ZBED6: variants seen among roughly 807,000 people sequenced by gnomAD.
ZBED6 encodes the protein zinc finger BED domain-containing protein 6.
In ZBED6, 40 loss-of-function variants were observed where a neutral mutation model predicts 58.4. The ratio of observed to expected loss-of-function variants is 0.68; its 90% CI spans 0.53 to 0.89. ZBED6 has a LOEUF of 0.89. Among genes scored for constraint, ZBED6 ranks in the 40% least tolerant of loss-of-function variants. The probability of loss-of-function intolerance (pLI) is 0.00; values close to 1 mark genes in which losing one functional copy is unlikely to be tolerated. For synonymous variants in ZBED6, 439 were observed against 350.6 expected (o/e 1.25, Z -2.82); for missense variants, 1,057 against 1,003.9 (o/e 1.05, Z -0.71).
chr1:203,805,527 A>G (rs1672028320), intron 1 of ZBED6: 2 of 514,242 alleles, frequency 3.9e-6, no homozygotes, highest in South Asian at 1.5e-5. Flanking sequence ...CTTCAAAGAA[A>G]GGACAGAAAC....
At chr1:203,804,254 C>G (rs1671468121) in intron 1 of ZBED6, among the ~76,000 whole-genome samples, 1 of 151,370 alleles carries the variant, frequency 6.6e-6, no homozygotes, top group Non-Finnish European at 1.5e-5. Flanking sequence ...CGGGTTCACG[C>G]CATTCTCCTG....
chr1:203,818,458 A>C, intron 2 of ZBED6, 112 bp from the exon 3 acceptor site: 4 of 1,396,618 alleles, frequency 2.9e-6, no homozygotes, highest in Non-Finnish European at 3.9e-6. Context: ...TTACCTTACC[A>C]GTCCTTTCTT....
chr1:203,804,475 G>A (rs1671573416), intron 1 of ZBED6, among the ~76,000 whole-genome samples: 1 of 151,786 alleles, frequency 6.6e-6, no homozygotes, highest in African/African-American at 2.4e-5. Context: ...TTTTTATTGT[G>A]AATGGTCTCT....
exon 17 of ZBED6, chr1:203,853,340 A>G (rs946320292): frequency 6.6e-5 from 10 of 152,518 alleles, no homozygotes; most frequent in Admixed American, 2.6e-4. Context: ...CAAGCTGCCA[A>G]TATTTATCTA....
At chr1:203,817,206 G>A in intron 2 of ZBED6, 82 bp downstream of exon 2, 2 of 1,196,718 alleles carry the variant, frequency 1.7e-6, no homozygotes, top group South Asian at 1.7e-5. Flanking sequence ...ATTTTAAGTT[G>A]TTTTTATTAT....
chr1:203,831,788 T>A lies in ZBED6; in HGVS notation c.*3510+17T>A, dbSNP rs759913890. The A allele has an allele frequency of 1.3e-6, 2 of 1,590,192 alleles. No homozygotes were observed. The highest frequency in any genetic ancestry group is 1.1e-5 in the South Asian group (1 of 88,386). On this transcript the variant is annotated intron_variant, in intron 8 of 16. Coordinates refer to ENST00000550078, the Ensembl canonical transcript of ZBED6. ...CCAAACAAGGTAAGGTATAGATAGG[T>A]CTTAGAGTTGTCAAGCCTCTACTTT...
At chr1:203,841,589 T>C (rs891196875) in intron 11 of ZBED6, among the ~76,000 whole-genome samples, 2 of 152,246 alleles carry the variant, frequency 1.3e-5, no homozygotes, top group African/African-American at 2.4e-5. Flanking sequence ...TGATCTCTCT[T>C]TCTTTTCCCC....
chr1:203,852,276 G>A, exon 17 of ZBED6: 1 of 1,613,726 alleles, frequency 6.2e-7, no homozygotes, highest in Non-Finnish European at 8.5e-7. Context: ...TCTCTGTGGA[G>A]GATGATTTTG....
chr1:203,830,538 C>T (rs973316831), intron 7 of ZBED6, among the ~76,000 whole-genome samples: 11 of 152,104 alleles, frequency 7.2e-5, no homozygotes, highest in East Asian at 3.9e-4. Flanking sequence ...AAAGGCTGGG[C>T]GTGGTGGCTC....
chr1:203,845,957 G>A (rs1405308125), intron 11 of ZBED6, among the ~76,000 whole-genome samples: 2 of 151,854 alleles, frequency 1.3e-5, no homozygotes, highest in Non-Finnish European at 2.9e-5. Flanking sequence ...TCAGGAGTTT[G>A]GAAAGTGAGA....
intron 9 of ZBED6, among the ~76,000 whole-genome samples, chr1:203,834,802 CT>C (rs1184026291): frequency 4.6e-5 from 7 of 152,134 alleles, no homozygotes; most frequent in Admixed American, 4.6e-4. Context: ...GGCACTACCC[CT>C]GGCTAATTTT....
intron 15 of ZBED6, 25 bp from the exon 16 acceptor site, chr1:203,851,032 A>T (rs1689126532): frequency 6.2e-7 from 1 of 1,612,792 alleles, no homozygotes; most frequent in African/African-American, 1.3e-5. Flanking sequence ...ACTCTCACTG[A>T]ATTACCTGAC....
chr1:203,810,453 T>C (rs1445909722), intron 1 of ZBED6, among the ~76,000 whole-genome samples: 7 of 147,708 alleles, frequency 4.7e-5, no homozygotes, highest in Admixed American at 4.7e-4. Context: ...AGAGTCTCAC[T>C]CTGTCGCCCA....
chr1:203,808,237 A>G (rs902656111), intron 1 of ZBED6, among the ~76,000 whole-genome samples: 5 of 148,384 alleles, frequency 3.4e-5, no homozygotes, highest in African/African-American at 1.2e-4. Flanking sequence ...AAAGGTCATA[A>G]TCTCCTTTAC....
chr1:203,797,380 T>G (rs1306402612), exon 1 of ZBED6: 8 of 736,770 alleles, frequency 1.1e-5, no homozygotes, highest in Middle Eastern at 4.0e-4. Context: ...TAACCTGGCT[T>G]GGAAGTTATT....
At chr1:203,837,508 TAGTATTATGATCATAGCTC>T (rs1288032882) in intron 9 of ZBED6, among the ~76,000 whole-genome samples, 32 of 151,650 alleles carry the variant, frequency 2.1e-4, no homozygotes, top group Admixed American at 1.8e-3. Flanking sequence ...GGCAGGAGTG[TAGTATTATGATCATAGCTC>T]AGTATTATGA....
intron 3 of ZBED6, among the ~76,000 whole-genome samples, chr1:203,819,132 ATATG>A (rs1677449049): frequency 6.8e-6 from 1 of 146,928 alleles, no homozygotes; most frequent in Non-Finnish European, 1.5e-5. Context: ...GTATATATAC[ATATG>A]TATATGTGTG....
At chr1:203,798,617 C>T (rs537020297) in exon 1 of ZBED6, 10 of 1,536,100 alleles carry the variant, frequency 6.5e-6, no homozygotes, top group African/African-American at 4.1e-5. Flanking sequence ...ACCTTAGTGA[C>T]TCTGATTCAG....
At chr1:203,799,321 A>G in exon 1 of ZBED6, 2 of 709,494 alleles carry the variant, frequency 2.8e-6, no homozygotes, top group Non-Finnish European at 5.1e-6. Context: ...TGCGAGCACA[A>G]AAGCATTGAG....
Sources: allele counts gnomAD v4.1 joint callset (sites outside exome capture counted in the v4.1 genomes callset), GRCh38; gene constraint gnomAD v4.1.1; transcripts MANE v1.5; gene names NCBI Gene and HGNC (gene_info 2026-07-23, HGNC 2026-07-21).